MTMR2: variants seen among roughly 807,000 people sequenced by gnomAD.
MTMR2 encodes myotubularin related protein 2, also known as phosphatidylinositol-3,5-bisphosphate 3-phosphatase MTMR2.
MTMR2 carries 55 observed loss-of-function variants against 86.9 expected under a neutral mutation model. That is an observed-to-expected ratio of 0.63 (90% CI 0.51 to 0.79). The LOEUF (loss-of-function observed/expected upper bound fraction) is 0.79. Ranked by LOEUF, MTMR2 falls within the 30% of genes least tolerant of loss-of-function variation. The pLI is 0.00. For synonymous variants in MTMR2, 241 were observed against 266.8 expected, an observed-to-expected ratio of 0.90 and a Z score of 0.94; for missense variants, 659 against 772.3, an observed-to-expected ratio of 0.85 and a Z score of 1.74.
At chr11:95,841,469 T>C in intron 12 of MTMR2, 148 bp downstream of exon 12, 1 of 723,792 alleles carries the variant, frequency 1.4e-6, no homozygotes, top group African/African-American at 1.7e-5. Flanking sequence ...TGATTCATAA[T>C]GTGACAATAA....
intron 2 of MTMR2, among the ~76,000 whole-genome samples, chr11:95,871,521 G>A (rs1009879282): frequency 9.2e-5 from 14 of 152,198 alleles, no homozygotes; most frequent in Admixed American, 2.0e-4. Flanking sequence ...GTGTCTTTTG[G>A]CTGCATAAAT....
chr11:95,859,770 T>C (rs1215974232), intron 5 of MTMR2, among the ~76,000 whole-genome samples: 3 of 152,202 alleles, frequency 2.0e-5, no homozygotes, highest in Non-Finnish European at 4.4e-5. Flanking sequence ...TTATGCCTCA[T>C]TTTGTAGAAC....
intron 5 of MTMR2, 94 bp from the exon 6 acceptor site, chr11:95,858,726 A>T: frequency 1.2e-6 from 1 of 840,444 alleles, no homozygotes; most frequent in Non-Finnish European, 2.0e-6. Flanking sequence ...AAATGTTAAG[A>T]TCTGTGAATG....
At chr11:95,852,874 A>G (rs1258617114) in intron 7 of MTMR2, among the ~76,000 whole-genome samples, 1 of 152,032 alleles carries the variant, frequency 6.6e-6, no homozygotes, top group Non-Finnish European at 1.5e-5. Context: ...CCCCGTTTCT[A>G]TTATACAAAA....
At chr11:95,847,922 G>C in intron 9 of MTMR2, 23 bp from the exon 10 acceptor site, 1 of 1,584,722 alleles carries the variant, frequency 6.3e-7, no homozygotes, top group Non-Finnish European at 8.6e-7. Context: ...ACACATCATG[G>C]AAAATCATAA....
chr11:95,916,116 G>T (rs918815758), intron 1 of MTMR2, among the ~76,000 whole-genome samples: 1 of 152,010 alleles, frequency 6.6e-6, no homozygotes, highest in Non-Finnish European at 1.5e-5. Flanking sequence ...CAGCTCTAAG[G>T]GTGTCTCTGG....
At chr11:95,874,527 A>G (rs1401719255) in intron 2 of MTMR2, among the ~76,000 whole-genome samples, 1 of 152,036 alleles carries the variant, frequency 6.6e-6, no homozygotes, top group Non-Finnish European at 1.5e-5. Flanking sequence ...CAGCACACTG[A>G]TGGGTCTTGA....
intron 9 of MTMR2, among the ~76,000 whole-genome samples, chr11:95,848,313 T>G (rs948996658): frequency 2.0e-5 from 3 of 152,162 alleles, no homozygotes; most frequent in Non-Finnish European, 2.9e-5. Context: ...CACCTATGCT[T>G]CTTCACCTCC....
chr11:95,838,043 G>GA (rs749198789), intron 13 of MTMR2, 51 bp downstream of exon 13: 15 of 1,148,058 alleles, frequency 1.3e-5, no homozygotes, highest in Non-Finnish European at 1.8e-5. Context: ...TTCTTTTAGG[G>GA]AAAAGTATAC....
chr11:95,861,020 C>T (rs754248757), intron 5 of MTMR2, among the ~76,000 whole-genome samples: 3 of 151,616 alleles, frequency 2.0e-5, no homozygotes, highest in African/African-American at 4.8e-5. Context: ...ATTAGCTGGG[C>T]GTGGTGGTGG....
At chr11:95,879,201 A>C (rs902637486) in intron 2 of MTMR2, among the ~76,000 whole-genome samples, 1 of 152,188 alleles carries the variant, frequency 6.6e-6, no homozygotes, top group African/African-American at 2.4e-5. Flanking sequence ...AAGAGATGAC[A>C]GCTGAAACCA....
intron 1 of MTMR2, among the ~76,000 whole-genome samples, chr11:95,894,877 TA>T (rs763288914): frequency 3.3e-5 from 5 of 152,100 alleles, no homozygotes; most frequent in Non-Finnish European, 7.4e-5. Flanking sequence ...AAAATATGAG[TA>T]AAAATCGAAT....
chr11:95,894,166 T>C (rs1221276001), intron 1 of MTMR2, among the ~76,000 whole-genome samples: 1 of 152,178 alleles, frequency 6.6e-6, no homozygotes, highest in Non-Finnish European at 1.5e-5. Flanking sequence ...TCTAATGTCC[T>C]TTATAATCTT....
At position 95,923,963 on chromosome 11, in the gene MTMR2, A is replaced by AG. The variant is rs1428991431; in HGVS notation, c.-10dup. On this transcript the variant is annotated 5_prime_UTR_variant, in exon 1 of 15. Transcript: ENST00000346299. ...CTCGAGCTCTTCTCCATCGCGCGGC[A>AG]GGGGCAGCACAGGGAAAGGCTGAAG... 14 of 1,556,120 alleles carry AG rather than the reference A, an allele frequency of 9.0e-6. No homozygotes were observed. The highest frequency in any genetic ancestry group is 1.7e-4 in the Middle Eastern group (1 of 5,902).
intron 2 of MTMR2, among the ~76,000 whole-genome samples, chr11:95,880,173 G>A (rs1483814940): frequency 6.6e-6 from 1 of 151,934 alleles, no homozygotes; most frequent in East Asian, 1.9e-4. Context: ...AAAGAACTGA[G>A]GTAAACAGGC....
At chr11:95,891,684 T>A (rs1213016463) in intron 1 of MTMR2, among the ~76,000 whole-genome samples, 1 of 152,126 alleles carries the variant, frequency 6.6e-6, no homozygotes, top group Non-Finnish European at 1.5e-5. Context: ...AGTGTTATAG[T>A]TTAATAAGCA....
rs1030433650 is a variant in MTMR2, at chr11:95,924,080, C to T, written c.-126G>A. 3.2e-6 allele frequency: 4 copies of T among 1,267,454 alleles called. No homozygotes were observed. The highest frequency in any genetic ancestry group is 1.5e-5 in the African/African-American group (1 of 67,946). 78.5% of individuals were successfully genotyped at this position (1,267,454 alleles called of 1,614,324 possible). On this transcript the variant is annotated 5_prime_UTR_variant, in exon 1 of 15. Transcript: ENST00000346299. Reference sequence around the variant, plus strand: ...GCCAGCGCCGGCCCGGGAGGGAGACCGGAAGCGGCCATGTTCCCCCAGAGT... The same window carrying T: ...GCCAGCGCCGGCCCGGGAGGGAGACTGGAAGCGGCCATGTTCCCCCAGAGT...
In MTMR2 at chr11:95,849,717, AAG is replaced by A. The variant is rs775155740; in HGVS notation, c.948_949del (p.Phe317TyrfsTer3). On this transcript the variant is annotated frameshift_variant, in exon 9 of 15. Coordinates refer to ENST00000346299, the MANE Select transcript of MTMR2 (RefSeq NM_016156.6). LOFTEE classifies it high-confidence loss of function. ...AACACTTGGCCGGGCATCAAATATA[AAG>A]ATTTTGTGAGACTGGGCATTGGAAT... 6.2e-7 allele frequency: 1 copy of A among 1,614,078 alleles called. No individual in the cohort carries two copies. Among genetic ancestry groups the A allele is most frequent in the Non-Finnish European group, 8.5e-7 (1 of 1,179,968 alleles).
chr11:95,851,055 CTTTTTTTT>C (rs55809121), intron 7 of MTMR2, among the ~76,000 whole-genome samples: 37 of 93,390 alleles, frequency 4.0e-4, no homozygotes, highest in Admixed American at 7.8e-4. Flanking sequence ...TCAAATATTC[CTTTTTTTT>C]TTTTTTTTTT....
Sources: allele counts gnomAD v4.1 joint callset (sites outside exome capture counted in the v4.1 genomes callset), GRCh38; gene constraint gnomAD v4.1.1; transcripts MANE v1.5; gene names NCBI Gene and HGNC (gene_info 2026-07-23, HGNC 2026-07-21).